UVSSA: variants seen among roughly 807,000 people sequenced by gnomAD.
UVSSA encodes the protein UV stimulated scaffold protein A, also known as UV-stimulated scaffold protein A.
In UVSSA, 72 loss-of-function variants were observed where a neutral mutation model predicts 73.9. The observed-to-expected ratio is 0.97, with a 90% confidence interval of 0.81 to 1.19. The LOEUF is 1.19. Ranked by LOEUF, UVSSA falls within the 50% of genes most tolerant of loss-of-function variation. UVSSA has a pLI of 0.00. For missense variants in UVSSA, 1,150 were observed against 965.0 expected, an observed-to-expected ratio of 1.19 and a Z score of -2.54; for synonymous variants, 454 against 391.3, an observed-to-expected ratio of 1.16 and a Z score of -1.89.
chr4:1,370,865 A>C (rs531628058), intron 8 of UVSSA, among the ~76,000 whole-genome samples: 8 of 152,234 alleles, frequency 5.3e-5, no homozygotes, highest in Admixed American at 1.3e-4. Context: ...CCTCCTCTGC[A>C]ACTCAGGGAC....
chr4:1,386,130 CAGG>C lies in UVSSA; in HGVS notation c.*170_*172del, dbSNP rs761868784. ...TGAAGGTACGGCCGCTCTGCTGCTACAGGGTTCGGCATCGTCTGGTGATGGGTC... is the reference window on the plus strand; with the variant it reads ...TGAAGGTACGGCCGCTCTGCTGCTACGTTCGGCATCGTCTGGTGATGGGTC... On this transcript the variant is annotated 3_prime_UTR_variant, in exon 14 of 14. Coordinates refer to ENST00000389851, the MANE Select transcript of UVSSA (RefSeq NM_020894.4). 1.8e-4 allele frequency: 128 copies of C among 724,220 alleles called. No individual in the cohort carries two copies. Among genetic ancestry groups the C allele is most frequent in the Non-Finnish European group, 2.7e-4 (117 of 434,662 alleles). 44.9% of individuals were successfully genotyped at this position (724,220 alleles called of 1,614,324 possible).
rs1257454406 is a variant in UVSSA at position 1,351,803 on chromosome 4, A to G, written c.518A>G (p.Glu173Gly). ...AAGCACTTGGATAAAATTTATCAAG[A>G]AAGAGCCAGCCAGGCGGAGAGGGAG... ...KQKHLDKIYQ[E>G]RASQAEREMQ... Residue 173 changes from glutamate (E) to glycine (G), a missense_variant, in exon 4 of 14, where the codon GAA becomes GGA. Glu to Gly is a moderately conservative substitution (Grantham distance 98). Coordinates refer to ENST00000389851, the MANE Select transcript of UVSSA (RefSeq NM_020894.4). 4.3e-6 allele frequency: 7 copies of G among 1,613,674 alleles called. No homozygotes were observed. The highest frequency in any genetic ancestry group is 5.9e-6 in the Non-Finnish European group (7 of 1,179,856).
chr4:1,395,923 C>G lies in UVSSA; in HGVS notation c.*9962C>G, dbSNP rs546704857. 1.9e-4 allele frequency: 303 copies of G among 1,563,206 alleles called. 2 individuals are homozygous for G. The African/African-American group carries it at 3.5e-3, about 18-fold the overall frequency. ...TTGAATTCAGGACTGATTTGTTAGC[C>G]TGGTGCTTTTCGTATCAGACCTTTT... is the stretch of plus-strand genomic sequence containing the variant. On this transcript the variant is annotated 3_prime_UTR_variant, in exon 14 of 14. Transcript: ENST00000511216.
chr4:1,394,338 C>T, exon 14 of UVSSA: 3 of 1,165,838 alleles, frequency 2.6e-6, no homozygotes, highest in Non-Finnish European at 3.5e-6. Context: ...TTAGAATGCT[C>T]TTCCCCCTTA....
rs1426266248 is a variant in UVSSA, at chr4:1,386,918, T to G, written c.*957T>G. 6.6e-6 allele frequency: 1 copy of G among 151,688 alleles called. No individual in the cohort carries two copies. The highest frequency in any genetic ancestry group is 1.5e-5 in the Non-Finnish European group (1 of 67,944). The allele number at this position is 151,688 out of a possible 1,614,324, so 9.4% of individuals were successfully genotyped here. A position where few individuals can be genotyped will look rare whatever the true frequency, so the allele number is the denominator to read the frequency against. On this transcript the variant is annotated 3_prime_UTR_variant, in exon 14 of 14. Coordinates refer to ENST00000389851, the MANE Select transcript of UVSSA (RefSeq NM_020894.4). ...ATTTTTTGTAGAGATGAGGTCTCAC[T>G]GTGTTGCCCACGGTGATCTCGAACT...
Position 1,387,003 on chromosome 4 carries a change from G to A in UVSSA, c.*1042G>A, listed in dbSNP as rs1406552065. The A allele has an allele frequency of 3.3e-5, 5 of 151,624 alleles. No individual in the cohort carries two copies. The highest frequency in any genetic ancestry group is 3.3e-4 in the Admixed American group (5 of 15,192). The allele number at this position is 151,624 out of a possible 1,614,324, so 9.4% of individuals were successfully genotyped here. A position where few individuals can be genotyped will look rare whatever the true frequency, so the allele number is the denominator to read the frequency against. On this transcript the variant is annotated 3_prime_UTR_variant, in exon 14 of 14. Coordinates refer to ENST00000389851, the MANE Select transcript of UVSSA (RefSeq NM_020894.4). ...CAAAGTGTTGGGATTACAGGCATGAGCCACCACTCCTGGCCAGGAGTTTAT... is the reference window on the plus strand; with the variant it reads ...CAAAGTGTTGGGATTACAGGCATGAACCACCACTCCTGGCCAGGAGTTTAT...
chr4:1,379,911 C>CTTT (rs56389311), intron 10 of UVSSA, 136 bp from the exon 11 acceptor site: 715,549 of 1,044,136 alleles, frequency 0.69, 251,064 homozygotes, highest in Admixed American at 0.8. Flanking sequence ...TGACCGTGTT[C>CTTT]TCCCTGGGTG....
At chr4:1,379,227 C>T (rs907570232) in intron 10 of UVSSA, among the ~76,000 whole-genome samples, 7 of 152,260 alleles carry the variant, frequency 4.6e-5, no homozygotes, top group African/African-American at 1.7e-4. Flanking sequence ...CTGTCCTCCC[C>T]AGCTCCTGCT....
At position 1,379,696 on chromosome 4, in the gene UVSSA, G is replaced by A. The variant is rs533128192; in HGVS notation, c.1569-351G>A. 9.2e-5 allele frequency among the ~76,000 whole-genome samples: 14 copies of A among 152,332 alleles called. No individual in the cohort carries two copies. The East Asian group carries it at 2.7e-3, about 29-fold the overall frequency. On this transcript the variant is annotated intron_variant, in intron 10 of 13. Coordinates refer to ENST00000389851, the MANE Select transcript of UVSSA (RefSeq NM_020894.4). The stretch of plus-strand genomic sequence containing the variant: ...CAAGGACGCAGCAGCTGTCGCCCTT[G>A]TCCTATAGGGAGAGCCCATCTTGCA...
At position 1,349,853 on chromosome 4, in the gene UVSSA, A is replaced by T; in HGVS notation, c.428A>T (p.Lys143Met). 6.5e-7 allele frequency: 1 copy of T among 1,539,078 alleles called. No homozygotes were observed. Among genetic ancestry groups the T allele is most frequent in the Non-Finnish European group, 8.7e-7 (1 of 1,143,744 alleles). Residue 143 changes from lysine to methionine, a missense_variant and splice_region_variant, in exon 3 of 14, where the codon AAG becomes ATG. By Grantham distance (95) the Lys-to-Met change is moderately conservative. Transcript: ENST00000389851. ...LGYHFLRHNK[K>M]VDFQDTNARS... ...TACCACTTCTTAAGACACAACAAAA[A>T]GGTAGGTGGGCCTGGCCCATTTTTT... is the stretch of plus-strand genomic sequence containing the variant.
intron 4 of UVSSA, among the ~76,000 whole-genome samples, chr4:1,352,647 A>G (rs1714964443): frequency 6.6e-6 from 1 of 152,200 alleles, no homozygotes; most frequent in African/African-American, 2.4e-5. Context: ...TGCTCTAGTA[A>G]GCGGTTAAAA....
At chr4:1,360,304 T>C (rs1417504024) in intron 7 of UVSSA, among the ~76,000 whole-genome samples, 2 of 152,324 alleles carry the variant, frequency 1.3e-5, no homozygotes, top group East Asian at 3.9e-4. Flanking sequence ...GACCCGTCTT[T>C]TGGGCTTTCA....
intron 8 of UVSSA, among the ~76,000 whole-genome samples, chr4:1,369,728 T>A (rs1277981976): frequency 6.6e-6 from 1 of 152,250 alleles, no homozygotes; most frequent in African/African-American, 2.4e-5. Context: ...TTTCCTACCA[T>A]CGATTCCCTC....
At chr4:1,355,494 T>C (rs1410905110) in intron 7 of UVSSA, among the ~76,000 whole-genome samples, 1 of 152,150 alleles carries the variant, frequency 6.6e-6, no homozygotes, top group African/African-American at 2.4e-5. Flanking sequence ...TGAGCAGAAG[T>C]GCTGAGTGCT....
chr4:1,355,969 G>A (rs1420206251), intron 7 of UVSSA, among the ~76,000 whole-genome samples: 1 of 152,144 alleles, frequency 6.6e-6, no homozygotes, highest in East Asian at 1.9e-4. Flanking sequence ...GCCTGGAGGG[G>A]CCTGAGAGCT....
rs138439520 is a variant in UVSSA, at chr4:1,395,849, G to A, written c.*9888G>A. 1.0e-4 allele frequency: 162 copies of A among 1,612,828 alleles called. No individual in the cohort carries two copies. The African/African-American group carries it at 1.4e-3, about 14-fold the overall frequency. Reference sequence around the variant, plus strand: ...ATATTTCTCTGCACCTCGAGATAACGTAGGAATATTAGGGATGAGATGGAA... The same window carrying A: ...ATATTTCTCTGCACCTCGAGATAACATAGGAATATTAGGGATGAGATGGAA... On this transcript the variant is annotated 3_prime_UTR_variant, in exon 14 of 14. Coordinates refer to the UVSSA transcript ENST00000511216.
intron 2 of UVSSA, 95 bp from the exon 3 acceptor site, chr4:1,349,429 T>C (rs1446727644): frequency 2.1e-5 from 26 of 1,234,610 alleles, no homozygotes; most frequent in Non-Finnish European, 2.7e-5. Flanking sequence ...TGGTGGTCCC[T>C]GCCACACGTG....
intron 7 of UVSSA, among the ~76,000 whole-genome samples, chr4:1,355,742 A>G (rs902049295): frequency 6.6e-6 from 1 of 152,058 alleles, no homozygotes; most frequent in African/African-American, 2.4e-5. Context: ...GGGGCACTGC[A>G]CTTCCCTGAG....
In UVSSA at chr4:1,383,746, T is replaced by C; in HGVS notation, c.1862-20T>C. The C allele has an allele frequency of 6.2e-7, 1 of 1,612,196 alleles. No homozygotes were observed. Among genetic ancestry groups the C allele is most frequent in the Non-Finnish European group, 8.5e-7 (1 of 1,179,846 alleles). On this transcript the variant is annotated intron_variant, in intron 12 of 13. Coordinates refer to ENST00000389851, the MANE Select transcript of UVSSA (RefSeq NM_020894.4). ...GGTCAGTGCCAGACGTCTCCTGAAG[T>C]GCTTGAGTTTTGTTTGCAGAATGGC...
Sources: allele counts gnomAD v4.1 joint callset (sites outside exome capture counted in the v4.1 genomes callset), GRCh38; gene constraint gnomAD v4.1.1; transcripts MANE v1.5; gene names NCBI Gene and HGNC (gene_info 2026-07-23, HGNC 2026-07-21).